Variants in METTL16 observed in about 807,000 individuals in gnomAD.
METTL16 encodes methyltransferase 16, RNA N6-adenosine, also known as RNA N(6)-adenosine-methyltransferase METTL16.
A neutral mutation model predicts 57.9 loss-of-function variants in METTL16; 19 were observed. That is an observed-to-expected ratio of 0.33 (90% CI 0.23 to 0.48). The LOEUF is 0.48. METTL16 is among the 20% of genes least tolerant of loss of function. The pLI is 0.99. For missense variants in METTL16, 434 were observed against 691.5 expected (o/e 0.63, Z 4.18); for synonymous variants, 246 against 255.6 (o/e 0.96, Z 0.36).
chr17:2,492,853 A>G (rs547880294), intron 2 of METTL16, among the ~76,000 whole-genome samples: 39 of 138,016 alleles, frequency 2.8e-4, no homozygotes, highest in African/African-American at 1.0e-3. Context: ...AGCCAAGAAC[A>G]CGCCACTGCA....
intron 2 of METTL16, among the ~76,000 whole-genome samples, chr17:2,487,304 A>G (rs1384343482): frequency 6.6e-6 from 1 of 152,250 alleles, no homozygotes; most frequent in East Asian, 1.9e-4. Context: ...AGCCCAGAGA[A>G]GAGGTGTGTA....
chr17:2,441,643 G>T (rs980565725), intron 6 of METTL16, 84 bp from the exon 7 acceptor site: 111 of 763,700 alleles, frequency 1.5e-4, no homozygotes, highest in East Asian at 1.3e-4. Context: ...AATAAGATGA[G>T]AACAGTAACA....
intron 8 of METTL16, among the ~76,000 whole-genome samples, chr17:2,432,610 G>A (rs373553729): frequency 3.0e-4 from 46 of 151,994 alleles, no homozygotes; most frequent in African/African-American, 7.7e-4. Context: ...ATTTATATCC[G>A]ACGCTCACGG....
At chr17:2,449,379 A>T (rs2067051685) in intron 6 of METTL16, among the ~76,000 whole-genome samples, 2 of 152,064 alleles carry the variant, frequency 1.3e-5, no homozygotes, top group Admixed American at 6.6e-5. Context: ...GCTAAAACAA[A>T]TTTTTTTCCA....
At chr17:2,461,517 T>C (rs1220695845) in intron 6 of METTL16, among the ~76,000 whole-genome samples, 5 of 151,940 alleles carry the variant, frequency 3.3e-5, no homozygotes. Flanking sequence ...TAGTAGCTCC[T>C]GTAGCCTGCA....
intron 2 of METTL16, among the ~76,000 whole-genome samples, chr17:2,483,208 CAA>C (rs746534958): frequency 9.2e-4 from 140 of 152,112 alleles, no homozygotes; most frequent in Non-Finnish European, 1.7e-3. Flanking sequence ...AAAGCTTAAC[CAA>C]AAGTATCCCA....
At chr17:2,428,599 A>T (rs201535089) in intron 8 of METTL16, among the ~76,000 whole-genome samples, 5,832 of 40,848 alleles carry the variant, frequency 0.14, 798 homozygotes, top group South Asian at 0.16. Flanking sequence ...ATATATATAT[A>T]TATAAATTGT....
intron 7 of METTL16, among the ~76,000 whole-genome samples, chr17:2,440,632 G>T (rs1361320325): frequency 6.6e-6 from 1 of 151,714 alleles, no homozygotes; most frequent in Non-Finnish European, 1.5e-5. Context: ...TTGAATATAA[G>T]ACCTGAAAGT....
intron 6 of METTL16, among the ~76,000 whole-genome samples, chr17:2,458,517 G>GTT (rs1193631337): frequency 6.6e-6 from 1 of 151,988 alleles, no homozygotes; most frequent in East Asian, 1.9e-4. Context: ...TTCCAGACCA[G>GTT]CCTGGGCAAC....
intron 2 of METTL16, among the ~76,000 whole-genome samples, chr17:2,496,258 T>C (rs941697013): frequency 4.0e-5 from 6 of 151,726 alleles, no homozygotes; most frequent in African/African-American, 1.5e-4. Flanking sequence ...TATATTTCTG[T>C]CTACTTAGTT....
chr17:2,500,483 T>G (rs892140139), intron 2 of METTL16, among the ~76,000 whole-genome samples: 1 of 152,198 alleles, frequency 6.6e-6, no homozygotes, highest in South Asian at 2.1e-4. Context: ...GTTTTCACCC[T>G]GTTGGTCAGG....
chr17:2,455,843 C>T (rs1338402432), intron 6 of METTL16, among the ~76,000 whole-genome samples: 2 of 151,884 alleles, frequency 1.3e-5, no homozygotes, highest in African/African-American at 4.8e-5. Context: ...ATTGGCCAGG[C>T]ATGGTGTTGT....
intron 6 of METTL16, among the ~76,000 whole-genome samples, chr17:2,448,787 AATAAAAAT>A (rs2067041390): frequency 2.9e-5 from 3 of 102,530 alleles, no homozygotes; most frequent in African/African-American, 5.6e-5. Flanking sequence ...AAAATAAAAA[AATAAAAAT>A]AAAATTTAAA....
chr17:2,484,354 C>T lies in METTL16; in HGVS notation c.129-6469G>A, dbSNP rs549462324. ...ATTAAACCAAAGAAATGTGAGGTAA[C>T]CTAAACATACGGCACAAGGTCCTTA... On this transcript the variant is annotated intron_variant, in intron 2 of 9. Coordinates refer to ENST00000263092, the MANE Select transcript of METTL16 (RefSeq NM_024086.4). 2.0e-5 allele frequency among the ~76,000 whole-genome samples: 3 copies of T among 152,186 alleles called. No homozygotes were observed. In the South Asian group the frequency reaches 6.2e-4, roughly 32 times the overall value.
Position 2,420,671 on chromosome 17 carries a change from GAAA to G in METTL16, c.1062+57_1062+59del. ...TCCAAACTCTCAATAAAAAAAAAAA[GAAA>G]AAAGAAAAAAGAGAAGGATCATTAT... is the stretch of plus-strand genomic sequence containing the variant. On this transcript the variant is annotated intron_variant, in intron 9 of 9. Transcript: ENST00000263092. This position sits in a 1 kb window ranked among gnomAD's most constrained non-coding sequence, Gnocchi z 5.4. 6 of 1,528,758 alleles carry G rather than the reference GAAA, an allele frequency of 3.9e-6. No individual in the cohort carries two copies. The highest frequency in any genetic ancestry group is 1.8e-4 in the Middle Eastern group (1 of 5,696). 94.7% of individuals were successfully genotyped at this position (1,528,758 alleles called of 1,614,324 possible).
chr17:2,429,873 C>G (rs552908026), intron 8 of METTL16, among the ~76,000 whole-genome samples: 1 of 151,498 alleles, frequency 6.6e-6, no homozygotes, highest in South Asian at 2.1e-4. Flanking sequence ...TGCAGTGGCA[C>G]GATCTCAGCT....
chr17:2,421,044 G>T, intron 8 of METTL16, 140 bp from the exon 9 acceptor site: 2 of 941,838 alleles, frequency 2.1e-6, no homozygotes, highest in Non-Finnish European at 3.2e-6. Context: ...GGTTTTGTGT[G>T]TGTTATGTCC....
intron 2 of METTL16, among the ~76,000 whole-genome samples, chr17:2,497,552 A>G (rs78916481): frequency 0.027 from 4,134 of 151,060 alleles, 192 homozygotes; most frequent in African/African-American, 0.069. Context: ...AGCTCAAGCC[A>G]TTCGCTGGCC....
At chr17:2,484,417 G>A (rs1235059480) in intron 2 of METTL16, among the ~76,000 whole-genome samples, 1 of 151,902 alleles carries the variant, frequency 6.6e-6, no homozygotes, top group African/African-American at 2.4e-5. Flanking sequence ...TGGTTAAGCA[G>A]CCAGTTCAAT....
Sources: allele counts gnomAD v4.1 joint callset (sites outside exome capture counted in the v4.1 genomes callset), GRCh38; gene constraint gnomAD v4.1.1; non-coding constraint Gnocchi (gnomAD v3.1); transcripts MANE v1.5; gene names NCBI Gene and HGNC (gene_info 2026-07-23, HGNC 2026-07-21).